Variants in HDAC9 observed in about 807,000 individuals in gnomAD.
HDAC9 encodes the protein histone deacetylase 9, also known as MEF-2 interacting transcription repressor (MITR) protein.
In HDAC9, 41 loss-of-function variants were observed where a neutral mutation model predicts 139.4. That is an observed-to-expected ratio of 0.29 (90% CI 0.23 to 0.38). HDAC9 has a LOEUF of 0.38. Among genes scored for constraint, HDAC9 ranks in the 10% least tolerant of loss-of-function variants. The pLI is 1.00. For missense variants in HDAC9, 1,147 were observed against 1,297.0 expected, an observed-to-expected ratio of 0.88 and a Z score of 1.78; for synonymous variants, 517 against 476.2, an observed-to-expected ratio of 1.09 and a Z score of -1.12.
chr7:18,161,400 A>G (rs1399089300), intron 1 of HDAC9, among the ~76,000 whole-genome samples: 1 of 152,226 alleles, frequency 6.6e-6, no homozygotes, highest in African/African-American at 2.4e-5. Context: ...GGAGTATATA[A>G]TTCTCAGAGT....
At chr7:18,828,833 A>G (rs1795650214) in intron 17 of HDAC9, among the ~76,000 whole-genome samples, 1 of 152,218 alleles carries the variant, frequency 6.6e-6, no homozygotes, top group Non-Finnish European at 1.5e-5. Context: ...TGTTGATGTC[A>G]TAAAATAAGG....
chr7:18,438,758 A>G (rs951345835), intron 1 of HDAC9, among the ~76,000 whole-genome samples: 1 of 151,964 alleles, frequency 6.6e-6, no homozygotes, highest in Non-Finnish European at 1.5e-5. Context: ...ATATACAGAA[A>G]AGTGTTAATA....
chr7:18,451,660 A>T (rs955775319), intron 1 of HDAC9, among the ~76,000 whole-genome samples: 1 of 151,500 alleles, frequency 6.6e-6, no homozygotes, highest in Admixed American at 6.6e-5. Context: ...TGTGGATATT[A>T]TTTGTATCCA....
At chr7:18,719,314 C>G (rs1413804979) in intron 12 of HDAC9, among the ~76,000 whole-genome samples, 1 of 122,338 alleles carries the variant, frequency 8.2e-6, no homozygotes. Context: ...GCCTAATTAA[C>G]CTATTTTTTT....
At chr7:18,211,744 C>T (rs140207594) in intron 2 of HDAC9, among the ~76,000 whole-genome samples, 32 of 152,188 alleles carry the variant, frequency 2.1e-4, no homozygotes, top group African/African-American at 5.5e-4. Context: ...AAAAGTGTGC[C>T]GTGTCCATTG....
intron 1 of HDAC9, among the ~76,000 whole-genome samples, chr7:18,452,249 CCAAAA>C (rs1792939597): frequency 6.6e-6 from 1 of 152,100 alleles, no homozygotes; most frequent in Admixed American, 6.6e-5. Context: ...CCAGGAACAA[CCAAAA>C]TGAGCACTAA....
At chr7:18,216,383 C>A (rs927567720) in intron 2 of HDAC9, among the ~76,000 whole-genome samples, 5 of 151,932 alleles carry the variant, frequency 3.3e-5, no homozygotes, top group African/African-American at 9.7e-5. Context: ...AATTTTAGTT[C>A]TTTTTCTATC....
chr7:18,817,406 T>TA lies in HDAC9; in HGVS notation c.2323-11747dup, dbSNP rs778144310. Among the ~76,000 whole-genome samples, 112 of 151,758 alleles carry TA rather than the reference T, an allele frequency of 7.4e-4. 2 individuals are homozygous for TA. In the East Asian group the frequency reaches 0.018, roughly 24 times the overall value. On this transcript the variant is annotated intron_variant, in intron 17 of 25. Transcript: ENST00000686413. ...ACTCATTCCCCCAAAACAAAAACAA[T>TA]AAAAAAAACCCAAAGAGGGTTCAAC...
intron 12 of HDAC9, among the ~76,000 whole-genome samples, chr7:18,679,266 G>A (rs1781726176): frequency 6.6e-6 from 1 of 151,740 alleles, no homozygotes. Flanking sequence ...AACTTTAAAG[G>A]CAGATATGAG....
chr7:18,966,406 A>G (rs1405063123), intron 24 of HDAC9, among the ~76,000 whole-genome samples: 1 of 152,196 alleles, frequency 6.6e-6, no homozygotes, highest in Non-Finnish European at 1.5e-5. Context: ...AAGCTGTTAG[A>G]AGATAGAGTT....
intron 2 of HDAC9, among the ~76,000 whole-genome samples, chr7:18,258,035 T>G (rs376184653): frequency 8.5e-5 from 13 of 152,206 alleles, no homozygotes; most frequent in African/African-American, 3.1e-4. Context: ...GAAGCACATA[T>G]TAAAGTATCT....
At chr7:18,413,482 C>A (rs1036082693) in intron 1 of HDAC9, among the ~76,000 whole-genome samples, 1 of 152,072 alleles carries the variant, frequency 6.6e-6, no homozygotes, top group Non-Finnish European at 1.5e-5. Flanking sequence ...TAAAGATACA[C>A]AAGACTTAAG....
intron 25 of HDAC9, among the ~76,000 whole-genome samples, chr7:18,979,379 T>A (rs1784752032): frequency 6.6e-6 from 1 of 152,146 alleles, no homozygotes; most frequent in Non-Finnish European, 1.5e-5. Context: ...GAAACATGAT[T>A]TTCCTCAAAT....
intron 2 of HDAC9, among the ~76,000 whole-genome samples, chr7:18,174,657 A>T (rs756672825): frequency 1.3e-5 from 2 of 150,780 alleles, no homozygotes; most frequent in Non-Finnish European, 3.0e-5. Flanking sequence ...CTTTCTGTTG[A>T]TGTTGATGCT....
At chr7:18,396,938 A>G (rs2128729396) in intron 1 of HDAC9, among the ~76,000 whole-genome samples, 1 of 152,042 alleles carries the variant, frequency 6.6e-6, no homozygotes, top group East Asian at 1.9e-4. Context: ...TTTGACTTAC[A>G]ATGTAATACC....
At chr7:18,546,829 C>T (rs1194109852) in intron 2 of HDAC9, among the ~76,000 whole-genome samples, 1 of 152,166 alleles carries the variant, frequency 6.6e-6, no homozygotes, top group Non-Finnish European at 1.5e-5. Flanking sequence ...TGTTTTGTGG[C>T]CTTGCTTATT....
intron 1 of HDAC9, among the ~76,000 whole-genome samples, chr7:18,433,617 C>A (rs763355533): frequency 6.6e-6 from 1 of 152,100 alleles, no homozygotes; most frequent in South Asian, 2.1e-4. Context: ...CTTCTGTACA[C>A]CAACAACATC....
chr7:18,087,387 G>C (rs111807361), intron 1 of HDAC9, among the ~76,000 whole-genome samples: 4 of 152,302 alleles, frequency 2.6e-5, no homozygotes, highest in African/African-American at 9.6e-5. Context: ...CCGGAGACCG[G>C]TGGGTTTAAG....
chr7:18,766,199 G>A (rs1004927184), intron 15 of HDAC9, among the ~76,000 whole-genome samples: 1 of 152,184 alleles, frequency 6.6e-6, no homozygotes, highest in African/African-American at 2.4e-5. Context: ...TGAGTGACAT[G>A]TCAGAGTCCC....
Sources: gnomAD v4.1 joint callset for allele counts (sites outside exome capture counted in the v4.1 genomes callset) on GRCh38, gnomAD v4.1.1 for gene constraint, MANE v1.5 for transcripts, NCBI Gene and HGNC (gene_info 2026-07-23, HGNC 2026-07-21) for gene names.